Variants in EBF4 observed in about 807,000 individuals in gnomAD.
The protein encoded by EBF4 is transcription factor COE4.
A neutral mutation model predicts 67.1 loss-of-function variants in EBF4; 34 were observed. The ratio of observed to expected loss-of-function variants is 0.51; its 90% confidence interval spans 0.39 to 0.67. The LOEUF (loss-of-function observed/expected upper bound fraction) is 0.67. Ranked by LOEUF, EBF4 falls within the 30% of genes least tolerant of loss-of-function variation. The probability of loss-of-function intolerance (pLI) is 0.00; values close to 1 mark genes in which losing one functional copy is unlikely to be tolerated. For missense variants in EBF4, 837 were observed against 873.3 expected, an observed-to-expected ratio of 0.96 and a Z score of 0.52; for synonymous variants, 387 against 377.7, an observed-to-expected ratio of 1.02 and a Z score of -0.29.
chr20:2,752,023 C>CG, intron 12 of EBF4, 36 bp downstream of exon 12: 1 of 1,526,220 alleles, frequency 6.6e-7, no homozygotes, highest in East Asian at 2.5e-5. Context: ...CCGCCGGGAC[C>CG]GGGGCCCCCC....
At chr20:2,752,027 G>T (rs934703851) in intron 12 of EBF4, 40 bp downstream of exon 12, 7 of 1,524,546 alleles carry the variant, frequency 4.6e-6, no homozygotes, top group Non-Finnish European at 6.2e-6. Flanking sequence ...CGGGACCGGG[G>T]CCCCCCAGCA....
exon 9 of EBF4, chr20:2,749,723 C>G (rs553566990): frequency 1.8e-4 from 281 of 1,551,264 alleles, no homozygotes; most frequent in Non-Finnish European, 2.3e-4. Flanking sequence ...GGTTGCAGGT[C>G]GTGTTCGGAA....
At chr20:2,708,116 TG>T (rs1303985759) in intron 5 of EBF4, 96 bp downstream of exon 5, 3 of 1,245,726 alleles carry the variant, frequency 2.4e-6, no homozygotes, top group Non-Finnish European at 3.3e-6. Flanking sequence ...TGCCCCTGGC[TG>T]CTCTCTGCTG....
intron 6 of EBF4, among the ~76,000 whole-genome samples, chr20:2,729,194 G>A (rs2087782224): frequency 6.6e-6 from 1 of 151,636 alleles, no homozygotes; most frequent in Non-Finnish European, 1.5e-5. Flanking sequence ...AAAAAAAAAA[G>A]GTTAAGAACT....
chr20:2,723,752 A>G (rs575641901), intron 6 of EBF4, among the ~76,000 whole-genome samples: 81 of 149,372 alleles, frequency 5.4e-4, no homozygotes, highest in African/African-American at 1.8e-3. Flanking sequence ...TATTTTTTTC[A>G]ATTTTATTGG....
chr20:2,719,901 G>C lies in EBF4; in HGVS notation c.557+10259G>C, dbSNP rs552788728. 1.4e-3 allele frequency among the ~76,000 whole-genome samples: 220 copies of C among 152,312 alleles called. 1 individual carries two copies. Among genetic ancestry groups the C allele is most frequent in the Non-Finnish European group, 1.2e-3 (82 of 68,032 alleles). Reference sequence around the variant, plus strand: ...GAAATGTTCTATAAATATCAAACAGGTCAAGTTAATTGATAGTGTTGTTCA... The same window carrying C: ...GAAATGTTCTATAAATATCAAACAGCTCAAGTTAATTGATAGTGTTGTTCA... On this transcript the variant is annotated intron_variant, in intron 6 of 16. Coordinates refer to ENST00000609451, the Ensembl canonical transcript of EBF4.
chr20:2,706,092 GCA>G, intron 3 of EBF4, 55 bp downstream of exon 3: 1 of 1,548,578 alleles, frequency 6.5e-7, no homozygotes, highest in Non-Finnish European at 8.7e-7. Context: ...GGGCACTGCA[GCA>G]TCATGCGACA....
At chr20:2,748,977 G>A (rs1304430917) in intron 7 of EBF4, among the ~76,000 whole-genome samples, 2 of 152,202 alleles carry the variant, frequency 1.3e-5, no homozygotes, top group Non-Finnish European at 2.9e-5. Context: ...GTGCAGGGCG[G>A]GGGAAGAAGG....
chr20:2,747,313 C>CAAAAAAAAAAAAAAAAAAA lies in EBF4; in HGVS notation c.558-1233_558-1232insAAAAAAAAAAAAAAAAAAA, dbSNP rs1415178435. On this transcript the variant is annotated intron_variant, in intron 6 of 16. Transcript: ENST00000609451. The surrounding 1 kb of genome is among the most constrained non-coding windows in gnomAD (Gnocchi z 4.6). ...CTCTGTCTCAAAACAAAAAACAAAA[C>CAAAAAAAAAAAAAAAAAAA]AAACAAAAAAAAAAAAACAGGAAAA... is the stretch of plus-strand genomic sequence containing the variant. Among the ~76,000 whole-genome samples, 4 of 123,294 alleles carry CAAAAAAAAAAAAAAAAAAA rather than the reference C, an allele frequency of 3.2e-5. No individual in the cohort carries two copies. The highest frequency in any genetic ancestry group is 2.3e-4 in the East Asian group (1 of 4,282). 80.9% of individuals were successfully genotyped at this position (123,294 alleles called of 152,430 possible).
chr20:2,752,791 T>C (rs1459345953), intron 14 of EBF4, among the ~76,000 whole-genome samples: 2 of 152,232 alleles, frequency 1.3e-5, no homozygotes, highest in African/African-American at 4.8e-5. Flanking sequence ...TTAGCCTTCT[T>C]TGCCGGTCCG....
In EBF4 at chr20:2,696,869, G is replaced by A. The variant is rs1417094085; in HGVS notation, c.137+3087G>A. ...GCATCTGCTCTCCTCTGCCTGTCCC[G>A]GTCCTCCTTGCCCTGCCAGCTGGGG... On this transcript the variant is annotated intron_variant, in intron 1 of 16. Transcript: ENST00000609451. This position sits in a 1 kb window ranked among gnomAD's most constrained non-coding sequence, Gnocchi z 4.7. Among the ~76,000 whole-genome samples, 1 of 152,090 alleles carries A rather than the reference G, an allele frequency of 6.6e-6. No individual in the cohort carries two copies. Among genetic ancestry groups the A allele is most frequent in the Non-Finnish European group, 1.5e-5 (1 of 68,006 alleles).
At chr20:2,748,708 G>A (rs2088091858) in intron 7 of EBF4, 78 bp downstream of exon 7, 14 of 1,474,018 alleles carry the variant, frequency 9.5e-6, no homozygotes, top group African/African-American at 2.8e-5. Flanking sequence ...AGGGAAGGCT[G>A]TGACCCTGCC....
chr20:2,751,661 G>T lies in EBF4; in HGVS notation c.1019-39G>T. On this transcript the variant is annotated intron_variant, in intron 10 of 16. Coordinates refer to ENST00000609451, the Ensembl canonical transcript of EBF4. This position sits in a 1 kb window ranked among gnomAD's most constrained non-coding sequence, Gnocchi z 5.2. ...CGTCTCACCCTGGGAGTGGGGGGCT[G>T]CGGGGGAGACGTCCTCCAAACGCCG... The T allele has an allele frequency of 1.9e-6, 3 of 1,544,604 alleles. No individual in the cohort carries two copies. The highest frequency in any genetic ancestry group is 1.7e-4 in the Middle Eastern group (1 of 5,806).
chr20:2,721,646 G>T (rs1316663827), intron 6 of EBF4, among the ~76,000 whole-genome samples: 2 of 151,972 alleles, frequency 1.3e-5, no homozygotes, highest in Non-Finnish European at 2.9e-5. Flanking sequence ...GTAGAGACAG[G>T]GTTTCACCAT....
At chr20:2,697,355 C>G in intron 1 of EBF4, among the ~76,000 whole-genome samples, 1 of 151,782 alleles carries the variant, frequency 6.6e-6, no homozygotes, top group Non-Finnish European at 1.5e-5. Context: ...ACCATCCTGG[C>G]TAACACGGTG....
rs1418733323 is a variant in EBF4 at position 2,752,644 on chromosome 20, C to G, written c.1540+99C>G. 4.8e-6 allele frequency: 5 copies of G among 1,047,734 alleles called. No individual in the cohort carries two copies. In the African/African-American group the frequency reaches 6.6e-5, roughly 14 times the overall value. 64.9% of individuals were successfully genotyped at this position (1,047,734 alleles called of 1,614,324 possible). On this transcript the variant is annotated intron_variant, in intron 14 of 16. Transcript: ENST00000609451. ...TCCCGGAGAGGTTGGGGCGCCGGCG[C>G]CGTGAGAGTCGACCCTGGCTCAGCC...
At chr20:2,705,449 G>T in intron 1 of EBF4, 128 bp from the exon 2 acceptor site, 1 of 1,349,022 alleles carries the variant, frequency 7.4e-7, no homozygotes. Context: ...TGTCTAGTTG[G>T]ATTTTTTGCC....
intron 1 of EBF4, among the ~76,000 whole-genome samples, chr20:2,703,731 C>A (rs1444923625): frequency 2.8e-5 from 4 of 141,960 alleles, no homozygotes; most frequent in Non-Finnish European, 6.1e-5. Context: ...AAAAAAAAAA[C>A]CGACTCCAAA....
rs543103161 is a variant in EBF4, at chr20:2,756,305, A to G, written c.1738+481A>G. Reference sequence around the variant, plus strand: ...CAGCTTCCCTCCCCGCATTTTACAGATTAGGACTTGAGACCAAGTCATCTT... The same window carrying G: ...CAGCTTCCCTCCCCGCATTTTACAGGTTAGGACTTGAGACCAAGTCATCTT... On this transcript the variant is annotated intron_variant, in intron 15 of 16. Coordinates refer to ENST00000609451, the Ensembl canonical transcript of EBF4. This position sits in a 1 kb window ranked among gnomAD's most constrained non-coding sequence, Gnocchi z 4.5. 6.6e-6 allele frequency among the ~76,000 whole-genome samples: 1 copy of G among 152,342 alleles called. No individual in the cohort carries two copies. Among genetic ancestry groups the G allele is most frequent in the African/African-American group, 2.4e-5 (1 of 41,582 alleles).
Sources: gnomAD v4.1 joint callset for allele counts (sites outside exome capture counted in the v4.1 genomes callset) on GRCh38, gnomAD v4.1.1 for gene constraint, Gnocchi (gnomAD v3.1) non-coding constraint, MANE v1.5 for transcripts, NCBI Gene and HGNC (gene_info 2026-07-23, HGNC 2026-07-21) for gene names.